The following LRRC8B variants were observed in gnomAD, a reference collection of about 807,000 sequenced individuals.
LRRC8B encodes leucine rich repeat containing 8 VRAC subunit B, also known as volume-regulated anion channel subunit LRRC8B.
LRRC8B carries 23 observed loss-of-function variants against 58.8 expected under a neutral mutation model. That is an observed-to-expected ratio of 0.39 (90% CI 0.28 to 0.55). LRRC8B has a LOEUF of 0.55. LRRC8B is among the 20% of genes least tolerant of loss of function. LRRC8B has a pLI of 0.62. For missense variants in LRRC8B, 694 were observed against 936.0 expected, an observed-to-expected ratio of 0.74 and a Z score of 3.37; for synonymous variants, 359 against 374.1, an observed-to-expected ratio of 0.96 and a Z score of 0.47.
intron 1 of LRRC8B, among the ~76,000 whole-genome samples, chr1:89,565,914 C>T (rs1199302260): frequency 6.6e-6 from 1 of 152,136 alleles, no homozygotes; most frequent in Non-Finnish European, 1.5e-5. Flanking sequence ...CAAAAGAGCC[C>T]TCTGGGTCCG....
chr1:89,533,505 G>T (rs928386018), intron 1 of LRRC8B, among the ~76,000 whole-genome samples: 9 of 152,126 alleles, frequency 5.9e-5, no homozygotes, highest in African/African-American at 2.2e-4. Flanking sequence ...CTCTTGACAA[G>T]CACAGAACCA....
chr1:89,539,452 C>T (rs1050911746), intron 1 of LRRC8B, among the ~76,000 whole-genome samples: 2 of 152,124 alleles, frequency 1.3e-5, no homozygotes, highest in African/African-American at 4.8e-5. Flanking sequence ...CTGGACCAGC[C>T]CAACATTGTG....
intron 1 of LRRC8B, among the ~76,000 whole-genome samples, chr1:89,539,083 A>G (rs563428084): frequency 1.3e-5 from 2 of 152,280 alleles, no homozygotes; most frequent in African/African-American, 2.4e-5. Flanking sequence ...ACTACCTCCT[A>G]GAAACATTGA....
chr1:89,582,908 G>A lies in LRRC8B; in HGVS notation c.258G>A (p.Pro86=), dbSNP rs201175657. The A allele has an allele frequency of 1.5e-5, 24 of 1,614,132 alleles. No individual in the cohort carries two copies. Among genetic ancestry groups the A allele is most frequent in the Admixed American group, 3.3e-5 (2 of 60,006 alleles). Residue 86 remains proline (P), a synonymous_variant, in exon 5 of 6, where the codon CCG becomes CCA. Transcript: ENST00000330947. ...SMNTSSNPGT[P]LPLPLRIQND... is the part of the protein sequence containing the mutation. ...ACACATCCTCTAATCCTGGGACACCGCTTCCGCTCCCCCTCCGAATTCAGA... is the reference window on the plus strand; with the variant it reads ...ACACATCCTCTAATCCTGGGACACCACTTCCGCTCCCCCTCCGAATTCAGA...
chr1:89,581,815 T>G (rs532812926), intron 4 of LRRC8B, among the ~76,000 whole-genome samples: 30 of 152,230 alleles, frequency 2.0e-4, no homozygotes, highest in Non-Finnish European at 4.0e-4. Context: ...TTTTAAATAC[T>G]TCCCAACTTT....
intron 1 of LRRC8B, among the ~76,000 whole-genome samples, chr1:89,559,629 T>TACAC (rs71084951): frequency 0.14 from 18,588 of 136,746 alleles, 1,431 homozygotes; most frequent in East Asian, 0.36. Flanking sequence ...TATATATATA[T>TACAC]ACACACACAC....
rs904110802 is a variant in LRRC8B at position 89,529,990 on chromosome 1, G to A, written c.-241+4968G>A. 5.3e-5 allele frequency among the ~76,000 whole-genome samples: 8 copies of A among 151,614 alleles called. No individual in the cohort carries two copies. The South Asian group carries it at 1.7e-3, about 32-fold the overall frequency. ...CTCGTGGAGATCTGGGACCATACTG[G>A]GGAGGACAGGTGAATCACTCACTCA... On this transcript the variant is annotated intron_variant, in intron 1 of 5. Coordinates refer to ENST00000330947, the MANE Select transcript of LRRC8B (RefSeq NM_001369817.2).
At chr1:89,550,961 A>G (rs1570584950) in intron 1 of LRRC8B, among the ~76,000 whole-genome samples, 3 of 152,168 alleles carry the variant, frequency 2.0e-5, no homozygotes, top group African/African-American at 4.8e-5. Flanking sequence ...AGAATCTATA[A>G]TTGTTCTCTT....
intron 1 of LRRC8B, among the ~76,000 whole-genome samples, chr1:89,531,118 G>T (rs12723635): frequency 0.23 from 35,069 of 152,082 alleles, 4,526 homozygotes; most frequent in Admixed American, 0.34. Context: ...AAGATTTTAA[G>T]TTCATTTCTT....
chr1:89,590,969 C>T (rs1654937217), intron 5 of LRRC8B, among the ~76,000 whole-genome samples: 1 of 152,160 alleles, frequency 6.6e-6, no homozygotes, highest in Non-Finnish European at 1.5e-5. Flanking sequence ...TGGGTAGAGG[C>T]TGAGGATGCT....
intron 1 of LRRC8B, among the ~76,000 whole-genome samples, chr1:89,553,701 T>C (rs940049198): frequency 2.0e-5 from 3 of 152,212 alleles, no homozygotes; most frequent in Non-Finnish European, 4.4e-5. Flanking sequence ...GTTTACTGGC[T>C]AAATCTGAAA....
chr1:89,536,696 T>G (rs1425262523), intron 1 of LRRC8B, among the ~76,000 whole-genome samples: 3 of 151,946 alleles, frequency 2.0e-5, no homozygotes. Context: ...TAGAGAATGG[T>G]TCTTGTTGGG....
At position 89,593,377 on chromosome 1, in the gene LRRC8B, CAAAA is replaced by C. The variant is rs200997401; in HGVS notation, c.*347_*350del. 1.7e-4 allele frequency: 23 copies of C among 135,496 alleles called. No homozygotes were observed. The highest frequency in any genetic ancestry group is 8.1e-4 in the East Asian group (4 of 4,954). 8.4% of individuals were successfully genotyped at this position (135,496 alleles called of 1,614,324 possible). On this transcript the variant is annotated 3_prime_UTR_variant, in exon 6 of 6. Coordinates refer to ENST00000330947, the MANE Select transcript of LRRC8B (RefSeq NM_001369817.2). ...GGGTGACAGAGCAAGACTCTTATCT[CAAAA>C]AAAAAAAAAAAATGCTCCAGGGCTT...
chr1:89,526,712 C>T (rs1350453278), intron 1 of LRRC8B, among the ~76,000 whole-genome samples: 1 of 151,844 alleles, frequency 6.6e-6, no homozygotes, highest in African/African-American at 2.4e-5. Context: ...ATTGAGTGCA[C>T]CCTTGGGTCA....
intron 3 of LRRC8B, among the ~76,000 whole-genome samples, chr1:89,573,811 G>A (rs754534170): frequency 2.8e-4 from 42 of 152,292 alleles, no homozygotes; most frequent in Middle Eastern, 3.4e-3. Flanking sequence ...CTGTGGCACT[G>A]ACCACCACTT....
intron 1 of LRRC8B, among the ~76,000 whole-genome samples, chr1:89,565,606 T>C (rs1431881496): frequency 6.6e-6 from 1 of 152,222 alleles, no homozygotes; most frequent in African/African-American, 2.4e-5. Context: ...ATACCCACCA[T>C]GTGTTTGCAC....
chr1:89,563,048 T>C (rs965360562), intron 1 of LRRC8B, among the ~76,000 whole-genome samples: 2 of 152,196 alleles, frequency 1.3e-5, no homozygotes, highest in African/African-American at 4.8e-5. Context: ...TTTTTTGTGT[T>C]GGTATGTTTT....
In LRRC8B at chr1:89,583,937, C is replaced by G; in HGVS notation, c.1287C>G (p.Leu429=). The G allele has an allele frequency of 6.2e-7, 1 of 1,614,116 alleles. No homozygotes were observed. ...AGATAGAACTGCATCTTTTTATGCT[C>G]AACGGTCTTCCAGACAATGTCTTTG... ...QDKIELHLFM[L]NGLPDNVFEL... Residue 429 remains leucine, a synonymous_variant, in exon 5 of 6, where the codon CTC becomes CTG. Transcript: ENST00000330947. This position sits in a 1 kb window ranked among gnomAD's most constrained non-coding sequence, Gnocchi z 5.2.
intron 1 of LRRC8B, among the ~76,000 whole-genome samples, chr1:89,564,573 C>T (rs1652907452): frequency 6.6e-6 from 1 of 152,154 alleles, no homozygotes; most frequent in Non-Finnish European, 1.5e-5. Flanking sequence ...ACCAGGTACA[C>T]AGTAAGTGTT....
Sources: allele counts gnomAD v4.1 joint callset (sites outside exome capture counted in the v4.1 genomes callset), GRCh38; gene constraint gnomAD v4.1.1; non-coding constraint Gnocchi (gnomAD v3.1); transcripts MANE v1.5; gene names NCBI Gene and HGNC (gene_info 2026-07-23, HGNC 2026-07-21).